SOX6: variants seen among roughly 807,000 people sequenced by gnomAD.
SOX6 encodes the protein SRY-box transcription factor 6.
SOX6 carries 11 observed loss-of-function variants against 97.8 expected under a neutral mutation model. That is an observed-to-expected ratio of 0.11 (90% CI 0.07 to 0.19). The LOEUF is 0.19. SOX6 is among the 10% of genes least tolerant of loss of function. The pLI, the probability that SOX6 is intolerant of heterozygous loss-of-function variation, is 1.00. For synonymous variants in SOX6, 360 were observed against 371.4 expected (o/e 0.97, Z 0.35); for missense variants, 810 against 1,039.5 (o/e 0.78, Z 3.04).
At chr11:16,375,790 C>T (rs1024867440) in intron 1 of SOX6, among the ~76,000 whole-genome samples, 3 of 152,072 alleles carry the variant, frequency 2.0e-5, no homozygotes, top group African/African-American at 7.2e-5. Flanking sequence ...CCCAAATGCC[C>T]ATCAATGATA....
intron 6 of SOX6, among the ~76,000 whole-genome samples, chr11:16,121,226 G>A (rs989116852): frequency 1.3e-5 from 2 of 152,016 alleles, no homozygotes; most frequent in Admixed American, 1.3e-4. Flanking sequence ...TCAGAGAAAA[G>A]AACATGGATT....
intron 4 of SOX6, among the ~76,000 whole-genome samples, chr11:16,517,886 A>G (rs569821962): frequency 1.2e-3 from 179 of 152,270 alleles, no homozygotes; most frequent in Non-Finnish European, 1.9e-3. Flanking sequence ...TTCCAAAATG[A>G]TTCTCAAATT....
intron 3 of SOX6, among the ~76,000 whole-genome samples, chr11:16,254,061 C>G (rs1853604751): frequency 1.3e-5 from 2 of 150,722 alleles, no homozygotes; most frequent in African/African-American, 4.9e-5. Flanking sequence ...ACCATGCAAA[C>G]AAGAATATGG....
intron 4 of SOX6, among the ~76,000 whole-genome samples, chr11:16,197,058 T>C (rs1851799655): frequency 6.6e-6 from 1 of 152,116 alleles, no homozygotes; most frequent in Admixed American, 6.5e-5. Context: ...GGTCTTGAAC[T>C]CCTGACCTCA....
At chr11:16,526,285 A>T (rs1861163775) in intron 4 of SOX6, among the ~76,000 whole-genome samples, 1 of 152,208 alleles carries the variant, frequency 6.6e-6, no homozygotes. Flanking sequence ...CATATACACC[A>T]TGGAATACTA....
intron 13 of SOX6, among the ~76,000 whole-genome samples, chr11:16,006,874 G>C (rs1854570444): frequency 2.0e-5 from 3 of 151,970 alleles, no homozygotes; most frequent in Admixed American, 6.6e-5. Flanking sequence ...ATTATAACTT[G>C]GTTGAACATA....
chr11:16,141,260 C>A (rs1056342806), intron 6 of SOX6, among the ~76,000 whole-genome samples: 2 of 152,028 alleles, frequency 1.3e-5, no homozygotes, highest in African/African-American at 2.4e-5. Context: ...TATTTCCAAG[C>A]GAAGAATGGA....
intron 9 of SOX6, among the ~76,000 whole-genome samples, chr11:16,095,456 C>G (rs1350273016): frequency 1.3e-5 from 2 of 151,782 alleles, no homozygotes; most frequent in Non-Finnish European, 2.9e-5. Context: ...CAGGCCCAGG[C>G]ACCCACCCCT....
intron 3 of SOX6, among the ~76,000 whole-genome samples, chr11:16,641,769 C>T (rs1159220168): frequency 2.0e-5 from 3 of 152,188 alleles, no homozygotes; most frequent in Non-Finnish European, 4.4e-5. Flanking sequence ...GTACATCTTC[C>T]TCCATCCCTT....
At position 16,136,373 on chromosome 11, in the gene SOX6, C is replaced by T. The variant is rs1456616076; in HGVS notation, c.778-24450G>A. 3.0e-5 allele frequency among the ~76,000 whole-genome samples: 4 copies of T among 134,726 alleles called. No homozygotes were observed. In the East Asian group the frequency reaches 8.7e-4, roughly 29 times the overall value. The allele number at this position is 134,726 out of a possible 152,430, so 88.4% of individuals were successfully genotyped here. ...TTTTTTTTTTTTTTTTGACATAATGCAATTGCACACTTAATAGACCACAGT... is the reference window on the plus strand; with the variant it reads ...TTTTTTTTTTTTTTTTGACATAATGTAATTGCACACTTAATAGACCACAGT... On this transcript the variant is annotated intron_variant, in intron 6 of 15. Transcript: ENST00000683767.
intron 6 of SOX6, among the ~76,000 whole-genome samples, chr11:16,168,295 A>G (rs1589991427): frequency 6.6e-6 from 1 of 152,186 alleles, no homozygotes; most frequent in Non-Finnish European, 1.5e-5. Context: ...GACGTCATTT[A>G]TAAGAACAGG....
intron 3 of SOX6, among the ~76,000 whole-genome samples, chr11:16,263,239 A>G (rs1303994070): frequency 6.6e-6 from 1 of 151,940 alleles, no homozygotes; most frequent in Non-Finnish European, 1.5e-5. Flanking sequence ...TAAGAACAAT[A>G]GCCTTGATCC....
intron 3 of SOX6, 25 bp from the exon 4 acceptor site, chr11:16,234,696 T>C (rs2134176120): frequency 8.0e-7 from 1 of 1,247,276 alleles, no homozygotes; most frequent in East Asian, 2.6e-5. Flanking sequence ...AAGTAAGTAT[T>C]AAAAATATAT....
At chr11:16,053,454 T>A (rs902732900) in intron 10 of SOX6, among the ~76,000 whole-genome samples, 3 of 152,118 alleles carry the variant, frequency 2.0e-5, no homozygotes, top group Non-Finnish European at 4.4e-5. Flanking sequence ...TTTATTATCA[T>A]AATGACCAGC....
Position 16,390,242 on chromosome 11 carries a change from G to T in SOX6, c.-4-48990C>A, listed in dbSNP as rs148478911. On this transcript the variant is annotated intron_variant, in intron 1 of 15. Transcript: ENST00000396356. ...GTGGTTGCCCAAAGTCTGTTGCCTT[G>T]ATTCTCCAGGTCAGAAAAAAATGCT... Among the ~76,000 whole-genome samples the T allele has an allele frequency of 1.7e-3, 244 of 145,024 alleles. 2 individuals carry two copies. The highest frequency in any genetic ancestry group is 6.8e-3 in the African/African-American group (240 of 35,428).
At chr11:16,545,100 T>TA (rs913046742) in intron 4 of SOX6, among the ~76,000 whole-genome samples, 44 of 150,516 alleles carry the variant, frequency 2.9e-4, no homozygotes, top group African/African-American at 7.1e-4. Flanking sequence ...ATATCTAAAA[T>TA]AAAAAAAACA....
intron 4 of SOX6, among the ~76,000 whole-genome samples, chr11:16,598,492 CAGA>C (rs1282253824): frequency 1.3e-5 from 2 of 152,076 alleles, no homozygotes; most frequent in African/African-American, 2.4e-5. Context: ...TGAAAATCTT[CAGA>C]AGAAGAGAAA....
chr11:16,590,707 C>T (rs779967948), intron 4 of SOX6, among the ~76,000 whole-genome samples: 2 of 151,832 alleles, frequency 1.3e-5, no homozygotes, highest in Non-Finnish European at 2.9e-5. Flanking sequence ...GAAAGACAAA[C>T]TTCATATGTT....
chr11:16,171,480 C>T (rs1851037169), intron 6 of SOX6, among the ~76,000 whole-genome samples: 1 of 151,930 alleles, frequency 6.6e-6, no homozygotes, highest in African/African-American at 2.4e-5. Context: ...AAATAGAGTA[C>T]ATCAGACTCT....
Sources: allele counts gnomAD v4.1 joint callset (sites outside exome capture counted in the v4.1 genomes callset), GRCh38; gene constraint gnomAD v4.1.1; transcripts MANE v1.5; gene names NCBI Gene and HGNC (gene_info 2026-07-23, HGNC 2026-07-21).